Variants in HID1 observed in about 807,000 individuals in gnomAD.
HID1 encodes HID1 domain containing, also known as protein HID1.
A neutral mutation model predicts 89.7 loss-of-function variants in HID1; 42 were observed. The ratio of observed to expected loss-of-function variants is 0.47; its 90% CI spans 0.37 to 0.61. The LOEUF (loss-of-function observed/expected upper bound fraction) is 0.61, where lower values mean the gene tolerates loss of function less well. HID1 is among the 20% of genes least tolerant of loss of function. The pLI, the probability that HID1 is intolerant of heterozygous loss-of-function variation, is 0.00. For synonymous variants in HID1, 442 were observed against 433.8 expected, an observed-to-expected ratio of 1.02 and a Z score of -0.24; for missense variants, 854 against 1,039.3, an observed-to-expected ratio of 0.82 and a Z score of 2.45.
intron 6 of HID1, 141 bp downstream of exon 6, chr17:74,961,732 G>C (rs970664471): frequency 2.2e-6 from 1 of 451,282 alleles, no homozygotes; most frequent in African/African-American, 2.0e-5. Flanking sequence ...CTAGTGTGAG[G>C]TGTGGCTGGT....
chr17:74,953,989 T>A, intron 14 of HID1, 149 bp downstream of exon 14: 1 of 785,164 alleles, frequency 1.3e-6, no homozygotes, highest in South Asian at 1.6e-5. Flanking sequence ...TCCAGTACCC[T>A]CCCCCCATCC....
chr17:74,952,169 C>T, intron 17 of HID1, 100 bp downstream of exon 17: 1 of 1,521,968 alleles, frequency 6.6e-7, no homozygotes, highest in African/African-American at 1.4e-5. Context: ...CTACCTAAGC[C>T]TAGGCTGGCC....
rs372334899 is a variant in HID1, at chr17:74,959,840, C to A, written c.1008+41G>T. On this transcript the variant is annotated intron_variant, in intron 8 of 18. Transcript: ENST00000425042. This position sits in a 1 kb window ranked among gnomAD's most constrained non-coding sequence, Gnocchi z 4.6. Reference sequence around the variant, plus strand: ...CCCCATATCCCTGTCTCACTTGCATCCCCCTGCACCCTGCAAAGCCACTGT... The same window carrying A: ...CCCCATATCCCTGTCTCACTTGCATACCCCTGCACCCTGCAAAGCCACTGT... 1 of 1,601,608 alleles carries A rather than the reference C, an allele frequency of 6.2e-7. No homozygotes were observed. The highest frequency in any genetic ancestry group is 8.5e-7 in the Non-Finnish European group (1 of 1,169,822).
rs2144838856 is a variant in HID1 at position 74,972,717 on chromosome 17, C to G, written c.-61G>C. 6.9e-7 allele frequency: 1 copy of G among 1,451,256 alleles called. No homozygotes were observed. The highest frequency in any genetic ancestry group is 1.3e-5 in the South Asian group (1 of 76,856). 89.9% of individuals were successfully genotyped at this position (1,451,256 alleles called of 1,614,324 possible). ...GACTCCAACCCGGCTCCGGCTTCAG[C>G]TCCGGCTCCAGCTCCGCGGCCCCCG... On this transcript the variant is annotated 5_prime_UTR_variant, in exon 1 of 19. Transcript: ENST00000425042. This position sits in a 1 kb window ranked among gnomAD's most constrained non-coding sequence, Gnocchi z 6.4.
At chr17:74,952,970 C>T in intron 16 of HID1, 36 bp downstream of exon 16, 9 of 1,536,172 alleles carry the variant, frequency 5.9e-6, no homozygotes, top group Admixed American at 1.9e-5. Context: ...GCCCAAACCC[C>T]AGCCCCCGCT....
In HID1 at chr17:74,958,979, A is replaced by G; in HGVS notation, c.1081T>C (p.Ser361Pro). The part of the protein sequence containing the change: ...NPLLQTYLPN[S>P]TKKIQFHQEL... ...TGGTGGAACTGGATCTTCTTGGTGG[A>G]GTTAGGCAGGTAGGTCTGGAGCAGG... is the stretch of plus-strand genomic sequence containing the variant. The change falls in exon 9 of 19, where the codon TCC becomes CCC. Residue 361 changes from serine to proline, a missense_variant. Transcript: ENST00000425042. The surrounding 1 kb of genome is among the most constrained non-coding windows in gnomAD (Gnocchi z 5.2). The G allele has an allele frequency of 6.2e-7, 1 of 1,604,982 alleles. No homozygotes were observed. Among genetic ancestry groups the G allele is most frequent in the African/African-American group, 1.3e-5 (1 of 74,256 alleles).
Position 74,959,054 on chromosome 17 carries a change from G to A in HID1, c.1009-3C>T, listed in dbSNP as rs779193390. ...CCCTTGAGGATGAACTGGAAGTCCT[G>A]GGGGCGAGGGCAGAGCAGGGGGCCT... On this transcript the variant is annotated splice_polypyrimidine_tract_variant and splice_region_variant and intron_variant, in intron 8 of 18. Transcript: ENST00000425042. The surrounding 1 kb of genome is among the most constrained non-coding windows in gnomAD (Gnocchi z 4.6). 6.4e-7 allele frequency: 1 copy of A among 1,556,960 alleles called. No homozygotes were observed. Among genetic ancestry groups the A allele is most frequent in the Non-Finnish European group, 8.6e-7 (1 of 1,157,840 alleles).
At chr17:74,955,134 C>T (rs957314797) in intron 13 of HID1, among the ~76,000 whole-genome samples, 1 of 152,190 alleles carries the variant, frequency 6.6e-6, no homozygotes, top group African/African-American at 2.4e-5. Flanking sequence ...GTGCCCTGGT[C>T]ACAGGGCTAA....
chr17:74,971,302 C>T (rs2039643666), intron 1 of HID1, among the ~76,000 whole-genome samples: 1 of 152,234 alleles, frequency 6.6e-6, no homozygotes, highest in African/African-American at 2.4e-5. Context: ...TGCCACCTTC[C>T]CTGCCACCCA....
At chr17:74,969,920 TTC>T (rs1461072797) in intron 1 of HID1, among the ~76,000 whole-genome samples, 44 of 81,502 alleles carry the variant, frequency 5.4e-4, no homozygotes, top group African/African-American at 1.6e-3. Flanking sequence ...TTTTTCTTTT[TTC>T]TTTTTTTTTT....
chr17:74,966,419 T>C (rs576662281), intron 1 of HID1, among the ~76,000 whole-genome samples: 14 of 152,114 alleles, frequency 9.2e-5, no homozygotes, highest in Non-Finnish European at 4.4e-5. Flanking sequence ...TCCTTTTGAA[T>C]GTTCATCTGT....
chr17:74,962,206 G>T lies in HID1; in HGVS notation c.611+28C>A. 1 of 1,563,680 alleles carries T rather than the reference G, an allele frequency of 6.4e-7. No individual in the cohort carries two copies. The highest frequency in any genetic ancestry group is 1.4e-5 in the African/African-American group (1 of 74,040). ...GCCCGGCCCGGGGTCCAGCTGCATT[G>T]AGGGCTCCGGGCCTGGGCGAAGCTC... On this transcript the variant is annotated intron_variant, in intron 5 of 18. Transcript: ENST00000425042. The surrounding 1 kb of genome is among the most constrained non-coding windows in gnomAD (Gnocchi z 4.3).
chr17:74,956,079 C>T (rs970056383), intron 12 of HID1, 123 bp from the exon 13 acceptor site: 15 of 984,718 alleles, frequency 1.5e-5, no homozygotes, highest in East Asian at 1.3e-4. Context: ...AGAGCCAGGA[C>T]GACCAAGGCC....
Position 74,961,971 on chromosome 17 carries a change from C to T in HID1, c.630G>A (p.Leu210=). The T allele has an allele frequency of 6.3e-7, 1 of 1,589,964 alleles. No homozygotes were observed. Among genetic ancestry groups the T allele is most frequent in the East Asian group, 2.3e-5 (1 of 43,936 alleles). The change falls in exon 6 of 19, where the codon CTG becomes CTA. Residue 210 remains leucine, a synonymous_variant. Coordinates refer to ENST00000425042, the MANE Select transcript of HID1 (RefSeq NM_030630.3). The part of the protein sequence containing the change: ...HDMNRMELLK[L]LLTCFSEAMY... ...TGGCCTCGGAGAAGCATGTCAGCAG[C>T]AGTTTCAGCAGCTCCATCCTTGTAG...
chr17:74,958,631 G>C lies in HID1; in HGVS notation c.1240+42C>G. 6.3e-7 allele frequency: 1 copy of C among 1,598,422 alleles called. No homozygotes were observed. Among genetic ancestry groups the C allele is most frequent in the Non-Finnish European group, 8.6e-7 (1 of 1,166,666 alleles). On this transcript the variant is annotated intron_variant, in intron 10 of 18. Transcript: ENST00000425042. The surrounding 1 kb of genome is among the most constrained non-coding windows in gnomAD (Gnocchi z 5.2). ...CAGATAGCCAGCCCTCCACCTCGCC[G>C]CCAGGAAAGCCCCCAGCATCCCACC...
At chr17:74,967,011 C>A (rs1167150186) in intron 1 of HID1, among the ~76,000 whole-genome samples, 1 of 152,038 alleles carries the variant, frequency 6.6e-6, no homozygotes, top group Non-Finnish European at 1.5e-5. Context: ...GAGGCCAAGG[C>A]AGATGGATCA....
In HID1 at chr17:74,961,277, T is replaced by A. The variant is rs185874035; in HGVS notation, c.728+596A>T. 9.2e-5 allele frequency among the ~76,000 whole-genome samples: 14 copies of A among 152,236 alleles called. No homozygotes were observed. In the East Asian group the frequency reaches 1.3e-3, roughly 15 times the overall value. Reference sequence around the variant, plus strand: ...TATTAATTATTGTATTTATTTATTTTTTTTTTTGGAAACAGAGTCTCACTC... The same window carrying A: ...TATTAATTATTGTATTTATTTATTTATTTTTTTGGAAACAGAGTCTCACTC... On this transcript the variant is annotated intron_variant, in intron 6 of 18. Transcript: ENST00000425042.
In HID1 at chr17:74,959,131, T is replaced by TG. The variant is rs2039441089; in HGVS notation, c.1009-81_1009-80insC. ...TTTCCCAGCCCAGGCCCCCAACAAA[T>TG]CCCCCCCTCCATCCCCCAGAGCCAG... On this transcript the variant is annotated intron_variant, in intron 8 of 18. Transcript: ENST00000425042. The surrounding 1 kb of genome is among the most constrained non-coding windows in gnomAD (Gnocchi z 4.6). The TG allele has an allele frequency of 1.4e-6, 2 of 1,395,424 alleles. No individual in the cohort carries two copies. The highest frequency in any genetic ancestry group is 2.4e-5 in the East Asian group (1 of 41,264). The allele number at this position is 1,395,424 out of a possible 1,614,324, so 86.4% of individuals were successfully genotyped here.
chr17:74,958,272 G>T lies in HID1; in HGVS notation c.1393-53C>A. On this transcript the variant is annotated intron_variant, in intron 11 of 18. Transcript: ENST00000425042. The surrounding 1 kb of genome is among the most constrained non-coding windows in gnomAD (Gnocchi z 5.2). The stretch of plus-strand genomic sequence containing the variant: ...GGGGTCCCCGCTGCCTCCAGACTCA[G>T]CCAAGAGGACACCACCCCTGCACCT... The T allele has an allele frequency of 3.1e-6, 5 of 1,609,712 alleles. No individual in the cohort carries two copies. Among genetic ancestry groups the T allele is most frequent in the Non-Finnish European group, 3.4e-6 (4 of 1,178,136 alleles).
Sources: gnomAD v4.1 joint callset for allele counts (sites outside exome capture counted in the v4.1 genomes callset) on GRCh38, gnomAD v4.1.1 for gene constraint, Gnocchi (gnomAD v3.1) non-coding constraint, MANE v1.5 for transcripts, NCBI Gene and HGNC (gene_info 2026-07-23, HGNC 2026-07-21) for gene names.